LONP1: variants seen among roughly 807,000 people sequenced by gnomAD.
The protein encoded by LONP1 is lon peptidase 1, mitochondrial, also known as lon protease homolog, mitochondrial.
A neutral mutation model predicts 98.5 loss-of-function variants in LONP1; 31 were observed. The observed-to-expected ratio is 0.31, with a 90% CI of 0.24 to 0.42. The LOEUF (loss-of-function observed/expected upper bound fraction) is 0.42, where lower values mean the gene tolerates loss of function less well. Among genes scored for constraint, LONP1 ranks in the 20% least tolerant of loss-of-function variants. LONP1 has a pLI of 1.00. For synonymous variants in LONP1, 781 were observed against 594.7 expected, an observed-to-expected ratio of 1.31 and a Z score of -4.56; for missense variants, 1,336 against 1,350.6, an observed-to-expected ratio of 0.99 and a Z score of 0.17.
intron 10 of LONP1, 25 bp downstream of exon 10, chr19:5,699,002 G>A (rs1352839543): frequency 1.3e-6 from 2 of 1,586,390 alleles, no homozygotes; most frequent in African/African-American, 2.7e-5. Flanking sequence ...GGAGTGCGTG[G>A]GGAGAGCTGT....
rs757638449 is a variant in LONP1 at position 5,694,494 on chromosome 19, G to A, written c.2213C>T (p.Thr738Met). Residue 738 changes from threonine to methionine, a missense_variant, in exon 15 of 18, where the codon ACG becomes ATG. By Grantham distance (81) the Thr-to-Met change is moderately conservative (BLOSUM62 -1). This residue lies in a region of LONP1 where 555 missense variants were observed against 542.6 expected (regional missense o/e 1.02). Coordinates refer to ENST00000360614, the MANE Select transcript of LONP1 (RefSeq NM_004793.4). ...VSGEAESVEV[T>M]PENLQDFVGK... is the part of the protein sequence containing the mutation. ...CACGAAGTCCTGCAGGTTCTCGGGC[G>A]TCACCTCCACGGACTCGGCCTCGCC... 25 of 1,613,174 alleles carry A rather than the reference G, an allele frequency of 1.5e-5. No individual in the cohort carries two copies. Among genetic ancestry groups the A allele is most frequent in the Non-Finnish European group, 1.9e-5 (23 of 1,180,024 alleles).
rs146949240 is a variant in LONP1, at chr19:5,703,901, C to T, written c.1367+1871G>A. Among the ~76,000 whole-genome samples the T allele has an allele frequency of 2.2e-3, 335 of 152,312 alleles. 2 individuals are homozygous for T. Among genetic ancestry groups the T allele is most frequent in the Middle Eastern group, 0.01 (3 of 294 alleles). On this transcript the variant is annotated intron_variant, in intron 8 of 17. Transcript: ENST00000360614. ...CTATCTGCTTCTGCAGGACAAGGCC[C>T]GGTCTGAGCAGGTACTTCCACCAGC...
In LONP1 at chr19:5,719,954, G is replaced by A. The variant is rs533509620; in HGVS notation, c.179C>T (p.Ala60Val). ...AAACCCCCGCCATTGGCCCCCAATTGCCGGGCCTCGGCCCCACAGTGCCCA... is the reference window on the plus strand; with the variant it reads ...AAACCCCCGCCATTGGCCCCCAATTACCGGGCCTCGGCCCCACAGTGCCCA... Reference protein sequence around the residue: ...PPWALWGRGPAIGGQWRGFWE... With the variant: ...PPWALWGRGPVIGGQWRGFWE... Residue 60 changes from alanine (A) to valine (V), a missense_variant, in exon 1 of 18, where the codon GCA (alanine) becomes GTA (valine). Ala to Val is a moderately conservative substitution (Grantham distance 64). This residue lies in a region of LONP1 where 457 missense variants were observed against 403.1 expected (regional missense o/e 1.13). Coordinates refer to ENST00000360614, the MANE Select transcript of LONP1 (RefSeq NM_004793.4). The A allele has an allele frequency of 6.4e-6, 10 of 1,570,064 alleles. No homozygotes were observed. In the African/African-American group the frequency reaches 1.1e-4, roughly 17 times the overall value.
chr19:5,701,527 T>G (rs923345442), intron 8 of LONP1, among the ~76,000 whole-genome samples: 1 of 152,188 alleles, frequency 6.6e-6, no homozygotes, highest in Non-Finnish European at 1.5e-5. Context: ...GAGACGGGGT[T>G]TCACTGTGTT....
At chr19:5,712,316 C>T (rs2055251479) in intron 3 of LONP1, 2 of 316,620 alleles carry the variant, frequency 6.3e-6, no homozygotes, top group Admixed American at 4.8e-5. Context: ...CTGTCGAAAA[C>T]GGTGTCAGCC....
chr19:5,711,492 G>T (rs1243856893), intron 4 of LONP1, among the ~76,000 whole-genome samples: 2 of 152,234 alleles, frequency 1.3e-5, no homozygotes, highest in Non-Finnish European at 2.9e-5. Flanking sequence ...TGGCACAGGG[G>T]ACACGGGCTG....
chr19:5,692,293 G>C, intron 17 of LONP1, 85 bp from the exon 18 acceptor site: 1 of 1,354,928 alleles, frequency 7.4e-7, no homozygotes, highest in Non-Finnish European at 1.0e-6. Flanking sequence ...AGGGCTTCCT[G>C]GGGACCGGCG....
intron 1 of LONP1, among the ~76,000 whole-genome samples, chr19:5,716,259 CATATATATATAT>C (rs3082272): frequency 0.043 from 3,281 of 77,180 alleles, 306 homozygotes; most frequent in African/African-American, 0.15. Flanking sequence ...TTAAAATATA[CATATATATATAT>C]ATATATATAT....
chr19:5,698,142 A>C (rs1413855308), intron 10 of LONP1, among the ~76,000 whole-genome samples: 3 of 74,478 alleles, frequency 4.0e-5, no homozygotes, highest in Non-Finnish European at 7.9e-5. Context: ...AGCTCCTCCC[A>C]ACTCCCGGCT....
At chr19:5,694,642 C>CGCGGGGTGGTGGGGTGATGGGT in intron 14 of LONP1, 90 bp from the exon 15 acceptor site, 5 of 1,549,976 alleles carry the variant, frequency 3.2e-6, no homozygotes, top group Non-Finnish European at 4.4e-6. Context: ...GTGTGACGGG[C>CGCGGGGTGGTGGGGTGATGGGT]GCGGGGTGGT....
At chr19:5,716,253 A>AATATACATATATAT (rs1555714117) in intron 1 of LONP1, among the ~76,000 whole-genome samples, 9 of 71,728 alleles carry the variant, frequency 1.3e-4, no homozygotes, top group Admixed American at 1.7e-4. Flanking sequence ...ATAAAGTTAA[A>AATATACATATATAT]ATATACATAT....
chr19:5,698,898 C>T (rs750405744), intron 10 of LONP1, 129 bp downstream of exon 10: 10 of 979,184 alleles, frequency 1.0e-5, no homozygotes, highest in Non-Finnish European at 1.4e-5. Context: ...TCAGTTACTC[C>T]AGCATGAGTG....
rs1258570546 is a variant in LONP1 at position 5,719,992 on chromosome 19, G to C, written c.141C>G (p.Asp47Glu). Residue 47 changes from aspartate to glutamate, a missense_variant, in exon 1 of 18, where the codon GAC (aspartate) becomes GAG (glutamate). Physicochemically the swap from Asp to Glu is conservative, Grantham distance 45. Around this residue, in one of 5 missense-constraint regions of LONP1, gnomAD observed 457 missense variants for 403.1 expected, o/e 1.13. Transcript: ENST00000360614. Reference sequence around the variant, plus strand: ...CCCACAGTGCCCAAGGAGGAGAGGCGTCGCAGGTCCGCTGGCCTCGGAGCA... The same window carrying C: ...CCCACAGTGCCCAAGGAGGAGAGGCCTCGCAGGTCCGCTGGCCTCGGAGCA... ...AWLLRGQRTC[D>E]ASPPWALWGR... The C allele has an allele frequency of 6.3e-7, 1 of 1,581,268 alleles. No homozygotes were observed. Among genetic ancestry groups the C allele is most frequent in the Non-Finnish European group, 8.6e-7 (1 of 1,166,038 alleles).
Position 5,719,800 on chromosome 19 carries a change from C to T in LONP1, c.333G>A (p.Ala111=). The T allele has an allele frequency of 6.2e-7, 1 of 1,612,752 alleles. No homozygotes were observed. Among genetic ancestry groups the T allele is most frequent in the Non-Finnish European group, 8.5e-7 (1 of 1,179,896 alleles). Residue 111 remains alanine, a synonymous_variant, in exon 1 of 18, where the codon GCG becomes GCA. Coordinates refer to ENST00000360614, the MANE Select transcript of LONP1 (RefSeq NM_004793.4). The part of the protein sequence containing the change: ...AGAGEGPVIT[A]LTPMTIPDVF... The stretch of plus-strand genomic sequence containing the variant: ...CATCGGGGATCGTCATGGGCGTGAG[C>T]GCCGTTATGACCGGGCCTTCCCCGG...
In LONP1 at chr19:5,700,672, C is replaced by A. The variant is rs535492244; in HGVS notation, c.1506+117G>T. 38 of 1,409,026 alleles carry A rather than the reference C, an allele frequency of 2.7e-5. No homozygotes were observed. In the South Asian group the frequency reaches 5.0e-4, roughly 19 times the overall value. The allele number at this position is 1,409,026 out of a possible 1,614,324, so 87.3% of individuals were successfully genotyped here. A position where few individuals can be genotyped will look rare whatever the true frequency, so the allele number is the denominator to read the frequency against. Reference sequence around the variant, plus strand: ...TCCGCCGGGATCCCCCCGACCAGCACCCCCAGGCCTACGAATTCACCAGGG... The same window carrying A: ...TCCGCCGGGATCCCCCCGACCAGCAACCCCAGGCCTACGAATTCACCAGGG... On this transcript the variant is annotated intron_variant, in intron 9 of 17. Transcript: ENST00000360614.
intron 4 of LONP1, chr19:5,708,624 C>T: frequency 1.9e-6 from 1 of 537,466 alleles, no homozygotes; most frequent in Non-Finnish European, 3.4e-6. Context: ...AAACTAAAAC[C>T]AAACCCTGTC....
intron 4 of LONP1, 41 bp from the exon 5 acceptor site, chr19:5,708,444 T>TGGGCC: frequency 7.7e-6 from 4 of 517,902 alleles, no homozygotes; most frequent in Non-Finnish European, 1.1e-5. Context: ...CCAGCAGTGC[T>TGGGCC]CCAGCAGGGG....
At chr19:5,693,530 T>G in intron 16 of LONP1, 22 bp downstream of exon 16, 2 of 1,613,362 alleles carry the variant, frequency 1.2e-6, no homozygotes, top group South Asian at 2.2e-5. Context: ...CGGGAGCAGG[T>G]GGGAGCGGAT....
Position 5,711,660 on chromosome 19 carries a change from T to G in LONP1, c.870+111A>C. 4.5e-6 allele frequency: 4 copies of G among 882,154 alleles called. No homozygotes were observed. The South Asian group carries it at 6.2e-5, about 14-fold the overall frequency. 54.6% of individuals were successfully genotyped at this position (882,154 alleles called of 1,614,324 possible). On this transcript the variant is annotated intron_variant, in intron 4 of 17. Coordinates refer to ENST00000360614, the MANE Select transcript of LONP1 (RefSeq NM_004793.4). ...ATTGAGTTCCAGACAGGCCAGACCC[T>G]TCCTAAGGGGCTCAGGGTGGGAGAT...
Sources: gnomAD v4.1 joint callset for allele counts (sites outside exome capture counted in the v4.1 genomes callset) on GRCh38, gnomAD v4.1.1 for gene constraint, gnomAD v4.1.1 regional missense constraint, MANE v1.5 for transcripts, NCBI Gene and HGNC (gene_info 2026-07-23, HGNC 2026-07-21) for gene names.